Variants in ZNF429 observed in about 807,000 individuals in gnomAD.
ZNF429 encodes zinc finger protein 429.
A neutral mutation model predicts 56.8 loss-of-function variants in ZNF429; 53 were observed. That is an observed-to-expected ratio of 0.93 (90% CI 0.75 to 1.17). The LOEUF is 1.17. Ranked by LOEUF, ZNF429 falls within the 50% of genes most tolerant of loss-of-function variation. ZNF429 has a pLI of 0.00. For synonymous variants in ZNF429, 278 were observed against 264.7 expected, an observed-to-expected ratio of 1.05 and a Z score of -0.49; for missense variants, 849 against 788.4, an observed-to-expected ratio of 1.08 and a Z score of -0.92.
chr19:21,512,923 G>A (rs1441346140), intron 1 of ZNF429, among the ~76,000 whole-genome samples: 1 of 151,046 alleles, frequency 6.6e-6, no homozygotes, highest in Non-Finnish European at 1.5e-5. Context: ...GCACGCTGGA[G>A]TGCAGTGGCG....
Position 21,537,117 on chromosome 19 carries a change from C to T in ZNF429, c.1064C>T (p.Thr355Ile). Reference protein sequence around the residue: ...ECGKAFNWSSTLTKHKVIHTG... With the variant: ...ECGKAFNWSSILTKHKVIHTG... ...GGCAAAGCCTTTAACTGGTCTTCAACTCTTACTAAACATAAGGTAATTCAT... is the reference window on the plus strand; with the variant it reads ...GGCAAAGCCTTTAACTGGTCTTCAATTCTTACTAAACATAAGGTAATTCAT... Residue 355 changes from threonine (T) to isoleucine (I), a missense_variant, in exon 4 of 4, where the codon ACT becomes ATT. Coordinates refer to ENST00000358491, the MANE Select transcript of ZNF429 (RefSeq NM_001001415.4). 2 of 1,612,498 alleles carry T rather than the reference C, an allele frequency of 1.2e-6. No homozygotes were observed. The highest frequency in any genetic ancestry group is 1.7e-5 in the Admixed American group (1 of 59,892).
intron 1 of ZNF429, among the ~76,000 whole-genome samples, chr19:21,522,660 G>C (rs892559338): frequency 6.6e-6 from 1 of 152,112 alleles, no homozygotes; most frequent in Non-Finnish European, 1.5e-5. Context: ...ACTTTGGGAG[G>C]CCAAGATGGG....
At chr19:21,515,267 T>A (rs1173423683) in intron 1 of ZNF429, among the ~76,000 whole-genome samples, 1 of 151,642 alleles carries the variant, frequency 6.6e-6, no homozygotes, top group Admixed American at 6.6e-5. Context: ...TTTACTTTTT[T>A]ATAGTAGCCA....
chr19:21,531,813 GAAAAA>G, intron 3 of ZNF429, among the ~76,000 whole-genome samples: 1 of 115,678 alleles, frequency 8.6e-6, no homozygotes, highest in Non-Finnish European at 1.9e-5. Flanking sequence ...CTCAAAAAAA[GAAAAA>G]AAAAAAAAGC....
At chr19:21,505,852 A>G (rs2032112771) in intron 1 of ZNF429, 78 bp downstream of exon 1, 4 of 1,527,022 alleles carry the variant, frequency 2.6e-6, no homozygotes, top group Non-Finnish European at 3.6e-6. Flanking sequence ...TGGCGGACTT[A>G]GGTCTCCCGG....
chr19:21,533,679 A>G, intron 3 of ZNF429, among the ~76,000 whole-genome samples: 29,697 of 151,566 alleles, frequency 0.2, 2,997 homozygotes, highest in African/African-American at 0.22. Context: ...TTTTCAATAC[A>G]GAGTCTTGCT....
chr19:21,538,304 A>G lies in ZNF429; in HGVS notation c.*226A>G, dbSNP rs1434399677. 6.9e-6 allele frequency among the ~76,000 whole-genome samples: 1 copy of G among 144,748 alleles called. No individual in the cohort carries two copies. Among genetic ancestry groups the G allele is most frequent in the Non-Finnish European group, 1.5e-5 (1 of 66,658 alleles). 95.0% of individuals were successfully genotyped at this position (144,748 alleles called of 152,430 possible). ...AAAAAAAAAAAAAAAAAAAAAGAAA[A>G]GAAAATTCATAGGCCAGGTATGGTG... On this transcript the variant is annotated 3_prime_UTR_variant, in exon 4 of 4. Transcript: ENST00000358491.
intron 1 of ZNF429, among the ~76,000 whole-genome samples, chr19:21,525,543 G>T (rs548258462): frequency 1.3e-5 from 2 of 152,262 alleles, no homozygotes; most frequent in South Asian, 4.1e-4. Context: ...GATTAGAAGA[G>T]ATCAGAGTTT....
intron 1 of ZNF429, among the ~76,000 whole-genome samples, chr19:21,520,529 G>C (rs1477433293): frequency 6.6e-6 from 1 of 151,852 alleles, no homozygotes; most frequent in Non-Finnish European, 1.5e-5. Flanking sequence ...TCTTTCTCTA[G>C]GACCTCATAA....
At chr19:21,526,761 C>T (rs1348658897) in intron 1 of ZNF429, among the ~76,000 whole-genome samples, 2 of 152,154 alleles carry the variant, frequency 1.3e-5, no homozygotes, top group Non-Finnish European at 2.9e-5. Flanking sequence ...TGACAGACAA[C>T]CTTGTATCAG....
intron 1 of ZNF429, among the ~76,000 whole-genome samples, chr19:21,513,057 G>C (rs2032576259): frequency 6.6e-6 from 1 of 151,912 alleles, no homozygotes; most frequent in Admixed American, 6.6e-5. Flanking sequence ...TTTTTCAGTA[G>C]AGACAGGGTT....
intron 3 of ZNF429, among the ~76,000 whole-genome samples, 163 bp from the exon 4 acceptor site, chr19:21,536,117 G>C: frequency 8.9e-6 from 1 of 112,338 alleles, no homozygotes; most frequent in African/African-American, 3.1e-5. Flanking sequence ...ATTTTGGTTA[G>C]TATGTCTTTG....
At chr19:21,517,231 G>A (rs1249142189) in intron 1 of ZNF429, among the ~76,000 whole-genome samples, 2 of 152,146 alleles carry the variant, frequency 1.3e-5, no homozygotes, top group Non-Finnish European at 2.9e-5. Flanking sequence ...TTTATGTGAT[G>A]AATCACATTT....
At chr19:21,512,633 T>C (rs2681391) in intron 1 of ZNF429, among the ~76,000 whole-genome samples, 116,957 of 144,598 alleles carry the variant, frequency 0.81, 47,787 homozygotes, top group African/African-American at 0.95. Flanking sequence ...CACTGCATTC[T>C]GCCTGGGCGA....
At chr19:21,533,644 A>G in intron 3 of ZNF429, among the ~76,000 whole-genome samples, 1 of 148,904 alleles carries the variant, frequency 6.7e-6, no homozygotes, top group Admixed American at 6.7e-5. Context: ...ACCCAACTTT[A>G]TTTTACCAGT....
In ZNF429 at chr19:21,539,282, G is replaced by C. The variant is rs1235502675; in HGVS notation, c.*1204G>C. On this transcript the variant is annotated 3_prime_UTR_variant, in exon 4 of 4. Coordinates refer to ENST00000358491, the MANE Select transcript of ZNF429 (RefSeq NM_001001415.4). ...GTCTACATGAATATCAGAATTTACA[G>C]TAGAAACAACTAAGACACAAACACT... is the stretch of plus-strand genomic sequence containing the variant. Among the ~76,000 whole-genome samples, 1 of 151,220 alleles carries C rather than the reference G, an allele frequency of 6.6e-6. No homozygotes were observed. Among genetic ancestry groups the C allele is most frequent in the South Asian group, 2.1e-4 (1 of 4,818 alleles).
intron 2 of ZNF429, among the ~76,000 whole-genome samples, chr19:21,530,375 A>G: frequency 1.3e-5 from 2 of 152,078 alleles, no homozygotes; most frequent in Admixed American, 6.6e-5. Context: ...TCTAATTGTC[A>G]CAATCGATTT....
chr19:21,535,412 T>TAC lies in ZNF429; in HGVS notation c.227-868_227-867insAC. Among the ~76,000 whole-genome samples, 247 of 55,292 alleles carry TAC rather than the reference T, an allele frequency of 4.5e-3. 13 individuals are homozygous for TAC. Among genetic ancestry groups the TAC allele is most frequent in the African/African-American group, 0.012 (121 of 10,162 alleles). 36.3% of individuals were successfully genotyped at this position (55,292 alleles called of 152,430 possible). A position where few individuals can be genotyped will look rare whatever the true frequency, so the allele number is the denominator to read the frequency against. On this transcript the variant is annotated intron_variant, in intron 3 of 3. Coordinates refer to ENST00000358491, the MANE Select transcript of ZNF429 (RefSeq NM_001001415.4). ...TTCTTTCTTTCTTTCTTTCTTTTTCTTTTCTTTCTTTCTTTCTTTCTTTCT... is the reference window on the plus strand; with the variant it reads ...TTCTTTCTTTCTTTCTTTCTTTTTCTACTTTCTTTCTTTCTTTCTTTCTTTCT...
At chr19:21,505,860 C>T (rs1046658160) in intron 1 of ZNF429, 86 bp downstream of exon 1, 16 of 1,457,016 alleles carry the variant, frequency 1.1e-5, no homozygotes, top group East Asian at 2.3e-5. Context: ...TTAGGTCTCC[C>T]GGCAGTCAGC....
Sources: allele counts gnomAD v4.1 joint callset (sites outside exome capture counted in the v4.1 genomes callset), GRCh38; gene constraint gnomAD v4.1.1; transcripts MANE v1.5; gene names NCBI Gene and HGNC (gene_info 2026-07-23, HGNC 2026-07-21).